The following FRMD4A variants were observed in gnomAD, a reference collection of about 807,000 sequenced individuals.
FRMD4A encodes the protein FERM domain-containing protein 4A.
A neutral mutation model predicts 129.1 loss-of-function variants in FRMD4A; 29 were observed. That is an observed-to-expected ratio of 0.22 (90% CI 0.17 to 0.31). The LOEUF (loss-of-function observed/expected upper bound fraction) is 0.31. Ranked by LOEUF, FRMD4A falls within the 10% of genes least tolerant of loss-of-function variation. The pLI, the probability that FRMD4A is intolerant of heterozygous loss-of-function variation, is 1.00. For synonymous variants in FRMD4A, 634 were observed against 571.6 expected (o/e 1.11, Z -1.56); for missense variants, 1,272 against 1,375.8 (o/e 0.92, Z 1.19).
intron 4 of FRMD4A, among the ~76,000 whole-genome samples, chr10:13,800,137 G>T (rs2130840109): frequency 6.6e-6 from 1 of 152,224 alleles, no homozygotes; most frequent in East Asian, 1.9e-4. Flanking sequence ...AGCTGAGATG[G>T]CACTACTGCA....
At chr10:13,866,334 G>C (rs914526515) in intron 2 of FRMD4A, 6 of 943,748 alleles carry the variant, frequency 6.4e-6, no homozygotes, top group Non-Finnish European at 7.6e-6. Flanking sequence ...ATGCGGGACA[G>C]CAGCCCCTCA....
chr10:13,857,690 C>T (rs1362991580), intron 3 of FRMD4A, among the ~76,000 whole-genome samples: 1 of 152,202 alleles, frequency 6.6e-6, no homozygotes, highest in Non-Finnish European at 1.5e-5. Context: ...AGATGGCATC[C>T]TCTCAACTCA....
At chr10:14,162,724 G>A (rs1840972986) in intron 2 of FRMD4A, among the ~76,000 whole-genome samples, 1 of 135,996 alleles carries the variant, frequency 7.4e-6, no homozygotes, top group Admixed American at 8.4e-5. Context: ...CTGGATTCCT[G>A]TTGGGATTTT....
At chr10:14,175,584 C>A (rs931322814) in intron 2 of FRMD4A, among the ~76,000 whole-genome samples, 1 of 144,514 alleles carries the variant, frequency 6.9e-6, no homozygotes, top group Non-Finnish European at 1.5e-5. Flanking sequence ...TACAGTGGTG[C>A]AATGATGATG....
intron 2 of FRMD4A, chr10:13,891,707 C>T (rs1435523049): frequency 2.1e-5 from 21 of 985,004 alleles, no homozygotes; most frequent in Non-Finnish European, 2.4e-5. Flanking sequence ...CCCATTCGCC[C>T]GGGCGAAGGC....
chr10:13,855,297 C>T (rs562228081), intron 3 of FRMD4A, among the ~76,000 whole-genome samples: 2 of 152,092 alleles, frequency 1.3e-5, no homozygotes, highest in African/African-American at 2.4e-5. Flanking sequence ...GTTTGGATGC[C>T]GTCAGCTTTC....
intron 2 of FRMD4A, among the ~76,000 whole-genome samples, chr10:13,910,001 C>T (rs1728464348): frequency 6.6e-6 from 1 of 152,184 alleles, no homozygotes; most frequent in African/African-American, 2.4e-5. Flanking sequence ...GTTCTTAATA[C>T]ATTCTTGGAC....
At chr10:13,786,870 T>C (rs1054580225) in intron 5 of FRMD4A, among the ~76,000 whole-genome samples, 1 of 152,216 alleles carries the variant, frequency 6.6e-6, no homozygotes, top group African/African-American at 2.4e-5. Flanking sequence ...AGTAATGCCA[T>C]ATGTTTCTTA....
chr10:13,834,804 G>A (rs911783580), intron 3 of FRMD4A, among the ~76,000 whole-genome samples: 1 of 152,128 alleles, frequency 6.6e-6, no homozygotes, highest in Admixed American at 6.5e-5. Context: ...TTAAATGAGC[G>A]AGAGACAGAG....
chr10:13,707,448 G>A, intron 12 of FRMD4A: 1 of 1,045,358 alleles, frequency 9.6e-7, no homozygotes. Context: ...TCCAGGAGAG[G>A]GAGGAGAGGT....
intron 2 of FRMD4A, chr10:13,866,287 C>A: frequency 1.0e-6 from 1 of 983,046 alleles, no homozygotes; most frequent in South Asian, 4.7e-5. Context: ...TCCCCGAGCA[C>A]AGTCCCTTAA....
chr10:13,902,674 T>C (rs775225272), intron 2 of FRMD4A, among the ~76,000 whole-genome samples: 58 of 151,710 alleles, frequency 3.8e-4, no homozygotes, highest in Admixed American at 1.7e-3. Flanking sequence ...ATCCCATCTA[T>C]ACTAAAACAC....
At chr10:13,819,838 C>T (rs2130902438) in intron 3 of FRMD4A, among the ~76,000 whole-genome samples, 1 of 152,146 alleles carries the variant, frequency 6.6e-6, no homozygotes, top group South Asian at 2.1e-4. Context: ...TCTCATGCCT[C>T]AGCCACCCAA....
intron 2 of FRMD4A, among the ~76,000 whole-genome samples, chr10:14,223,630 G>A (rs181667921): frequency 1.3e-5 from 2 of 151,992 alleles, no homozygotes; most frequent in South Asian, 4.2e-4. Context: ...AGTCCCAGCT[G>A]CTCGGGAGGC....
intron 2 of FRMD4A, among the ~76,000 whole-genome samples, chr10:14,278,944 C>T (rs1411141082): frequency 3.3e-5 from 5 of 152,164 alleles, no homozygotes; most frequent in Non-Finnish European, 7.3e-5. Flanking sequence ...GTTGTAACTG[C>T]CTCCCTTTCC....
At chr10:14,175,866 G>T (rs1393387967) in intron 2 of FRMD4A, among the ~76,000 whole-genome samples, 1 of 152,118 alleles carries the variant, frequency 6.6e-6, no homozygotes, top group Non-Finnish European at 1.5e-5. Context: ...CACCTTAGTT[G>T]CAGGCTGCAA....
intron 12 of FRMD4A, among the ~76,000 whole-genome samples, chr10:13,732,572 G>A (rs993625178): frequency 6.6e-6 from 1 of 152,342 alleles, no homozygotes; most frequent in African/African-American, 2.4e-5. Context: ...GAGTGTCAGG[G>A]AGGGCCTCTG....
chr10:13,949,559 G>T (rs1565097246), intron 2 of FRMD4A, among the ~76,000 whole-genome samples: 1 of 152,166 alleles, frequency 6.6e-6, no homozygotes, highest in East Asian at 1.9e-4. Context: ...GGAATATTTT[G>T]TTCTTGTAGC....
intron 1 of FRMD4A, 125 bp from the exon 2 acceptor site, chr10:14,330,308 A>G (rs1470689816): frequency 3.1e-5 from 4 of 128,002 alleles, no homozygotes; most frequent in East Asian, 2.6e-4. Context: ...CTTAGGGAGG[A>G]AAAAAAAAAA....
Sources: gnomAD v4.1 joint callset for allele counts (sites outside exome capture counted in the v4.1 genomes callset) on GRCh38, gnomAD v4.1.1 for gene constraint, MANE v1.5 for transcripts, NCBI Gene and HGNC (gene_info 2026-07-23, HGNC 2026-07-21) for gene names.